MSRB3: variants seen among roughly 807,000 people sequenced by gnomAD.
The protein encoded by MSRB3 is methionine sulfoxide reductase B3.
In MSRB3, 13 loss-of-function variants were observed where a neutral mutation model predicts 21.0. The observed-to-expected ratio is 0.62, with a 90% CI of 0.40 to 0.98. The LOEUF (loss-of-function observed/expected upper bound fraction) is 0.98. MSRB3 is among the 50% of genes least tolerant of loss of function. The pLI is 0.00. For missense variants in MSRB3, 199 were observed against 230.3 expected, an observed-to-expected ratio of 0.86 and a Z score of 0.88; for synonymous variants, 87 against 88.6, an observed-to-expected ratio of 0.98 and a Z score of 0.10.
chr12:65,426,414 T>C (rs1168898670), intron 5 of MSRB3, among the ~76,000 whole-genome samples: 4 of 152,198 alleles, frequency 2.6e-5, no homozygotes, highest in African/African-American at 9.7e-5. Flanking sequence ...AGTATACTGC[T>C]AGCCTTATTT....
At chr12:65,284,805 A>G (rs1490743134) in intron 1 of MSRB3, 1 of 152,216 alleles carries the variant, frequency 6.6e-6, no homozygotes, top group Non-Finnish European at 1.5e-5. Flanking sequence ...AGGGGACATC[A>G]CATTTACTAA....
chr12:65,386,590 C>T (rs1034781042), intron 5 of MSRB3, among the ~76,000 whole-genome samples: 6 of 151,902 alleles, frequency 3.9e-5, no homozygotes, highest in African/African-American at 1.4e-4. Flanking sequence ...CAATAAATAT[C>T]CAGTATTGAG....
chr12:65,440,119 G>T (rs952054410), intron 5 of MSRB3, among the ~76,000 whole-genome samples: 1 of 151,700 alleles, frequency 6.6e-6, no homozygotes, highest in African/African-American at 2.4e-5. Context: ...AGCCCGATTG[G>T]TATTCTGTTT....
chr12:65,426,763 T>C lies in MSRB3; in HGVS notation c.293-26965T>C, dbSNP rs371440602. On this transcript the variant is annotated intron_variant, in intron 5 of 6. Coordinates refer to ENST00000308259, the MANE Select transcript of MSRB3 (RefSeq NM_001031679.3). ...CTTTTTCTTTTATTCTCTCTGACTG[T>C]ATTTTTTAAGATAACTTGTCTTTGA... Among the ~76,000 whole-genome samples, 7 of 152,298 alleles carry C rather than the reference T, an allele frequency of 4.6e-5. No homozygotes were observed. The East Asian group carries it at 1.3e-3, about 29-fold the overall frequency.
chr12:65,409,166 GTGTGTGTGTGTT>G (rs1448333361), intron 5 of MSRB3, among the ~76,000 whole-genome samples: 1 of 43,350 alleles, frequency 2.3e-5, no homozygotes, highest in East Asian at 1.1e-3. Context: ...ATCTATATAC[GTGTGTGTGTGTT>G]TGTGTGTGTA....
intron 4 of MSRB3, among the ~76,000 whole-genome samples, chr12:65,347,901 A>G (rs1055740974): frequency 2.0e-5 from 3 of 152,170 alleles, no homozygotes; most frequent in African/African-American, 4.8e-5. Flanking sequence ...TGATTTGCGT[A>G]TGTTGAACCA....
intron 5 of MSRB3, among the ~76,000 whole-genome samples, chr12:65,449,138 C>A (rs1475493597): frequency 6.6e-6 from 1 of 152,062 alleles, no homozygotes; most frequent in Admixed American, 6.5e-5. Context: ...ATGCCATTCT[C>A]CTGCCTCAGC....
intron 5 of MSRB3, among the ~76,000 whole-genome samples, chr12:65,444,030 A>T (rs1434252981): frequency 6.6e-6 from 1 of 152,198 alleles, no homozygotes; most frequent in Non-Finnish European, 1.5e-5. Flanking sequence ...AAATATTTCC[A>T]TGAGCTTGGT....
intron 5 of MSRB3, among the ~76,000 whole-genome samples, chr12:65,398,457 TG>T (rs1271362876): frequency 6.6e-6 from 1 of 152,122 alleles, no homozygotes; most frequent in Non-Finnish European, 1.5e-5. Flanking sequence ...TGATGGGGTT[TG>T]TTTTTTTCTT....
intron 1 of MSRB3, among the ~76,000 whole-genome samples, chr12:65,299,856 C>T (rs1470918394): frequency 6.6e-6 from 1 of 152,174 alleles, no homozygotes; most frequent in Non-Finnish European, 1.5e-5. Context: ...GTTCTGAAAT[C>T]ACAGTCAAAT....
At chr12:65,429,736 G>C (rs1881786835) in intron 5 of MSRB3, among the ~76,000 whole-genome samples, 1 of 152,136 alleles carries the variant, frequency 6.6e-6, no homozygotes, top group Non-Finnish European at 1.5e-5. Context: ...TCAGTGTTTG[G>C]TCTTATGAGT....
chr12:65,283,306 T>C (rs2164968), intron 1 of MSRB3, among the ~76,000 whole-genome samples: 40,321 of 152,186 alleles, frequency 0.26, 6,500 homozygotes, highest in Non-Finnish European at 0.37. Flanking sequence ...AATTTCCTTG[T>C]GCTTCTAAGG....
chr12:65,457,293 C>T (rs200134725), intron 6 of MSRB3, among the ~76,000 whole-genome samples: 1 of 152,036 alleles, frequency 6.6e-6, no homozygotes, highest in South Asian at 2.1e-4. Flanking sequence ...CATAGGTATA[C>T]ACGTGCCATG....
At chr12:65,381,810 A>T (rs543536801) in intron 5 of MSRB3, among the ~76,000 whole-genome samples, 1 of 152,168 alleles carries the variant, frequency 6.6e-6, no homozygotes, top group South Asian at 2.1e-4. Context: ...TTAGATATTC[A>T]AGTATTATTC....
intron 2 of MSRB3, among the ~76,000 whole-genome samples, chr12:65,311,522 C>A (rs1873985471): frequency 6.6e-6 from 1 of 151,786 alleles, no homozygotes; most frequent in African/African-American, 2.4e-5. Flanking sequence ...TTAACTTCAA[C>A]AGTAATGAAA....
intron 5 of MSRB3, among the ~76,000 whole-genome samples, chr12:65,417,692 T>C (rs899556473): frequency 2.6e-5 from 4 of 152,150 alleles, no homozygotes; most frequent in Admixed American, 2.6e-4. Flanking sequence ...TTTTTGTGAG[T>C]TGAAATTTAT....
At chr12:65,387,821 T>G (rs1276902092) in intron 5 of MSRB3, among the ~76,000 whole-genome samples, 1 of 152,076 alleles carries the variant, frequency 6.6e-6, no homozygotes, top group East Asian at 1.9e-4. Context: ...GCTGGAAATA[T>G]TTTCCCAGTT....
chr12:65,356,739 C>T (rs1188109291), intron 4 of MSRB3, among the ~76,000 whole-genome samples: 2 of 151,760 alleles, frequency 1.3e-5, no homozygotes, highest in Non-Finnish European at 2.9e-5. Flanking sequence ...TATAGATTTC[C>T]AAATTCTTCA....
rs563030129 is a variant in MSRB3 at position 65,356,021 on chromosome 12, T to A, written c.264-12977T>A. 5.9e-5 allele frequency among the ~76,000 whole-genome samples: 9 copies of A among 152,032 alleles called. No homozygotes were observed. In the South Asian group the frequency reaches 1.9e-3, roughly 32 times the overall value. On this transcript the variant is annotated intron_variant, in intron 4 of 6. Coordinates refer to ENST00000308259, the MANE Select transcript of MSRB3 (RefSeq NM_001031679.3). Reference sequence around the variant, plus strand: ...TCTTGACTGACTATGACTTAATGAATGTTTAGACCTTCCAGTGAACTTCTT... The same window carrying A: ...TCTTGACTGACTATGACTTAATGAAAGTTTAGACCTTCCAGTGAACTTCTT...
Sources: allele counts gnomAD v4.1 joint callset (sites outside exome capture counted in the v4.1 genomes callset), GRCh38; gene constraint gnomAD v4.1.1; transcripts MANE v1.5; gene names NCBI Gene and HGNC (gene_info 2026-07-23, HGNC 2026-07-21).